The following PAN3 variants were observed in gnomAD, a reference collection of about 807,000 sequenced individuals.
PAN3 encodes the protein poly(A) specific ribonuclease subunit PAN3.
In PAN3, 19 loss-of-function variants were observed where a neutral mutation model predicts 96.2. That is an observed-to-expected ratio of 0.20 (90% CI 0.14 to 0.29). The LOEUF is 0.29. Ranked by LOEUF, PAN3 falls within the 10% of genes least tolerant of loss-of-function variation. The pLI is 1.00. For missense variants in PAN3, 882 were observed against 1,108.1 expected, an observed-to-expected ratio of 0.80 and a Z score of 2.90; for synonymous variants, 433 against 406.6, an observed-to-expected ratio of 1.06 and a Z score of -0.78.
At chr13:28,290,650 C>T (rs1245993634) in intron 18 of PAN3, among the ~76,000 whole-genome samples, 1 of 152,044 alleles carries the variant, frequency 6.6e-6, no homozygotes, top group Non-Finnish European at 1.5e-5. Flanking sequence ...CCATTGTACT[C>T]CAGCCTGGGC....
intron 1 of PAN3, among the ~76,000 whole-genome samples, chr13:28,144,866 C>A (rs1222003116): frequency 6.6e-6 from 1 of 151,696 alleles, no homozygotes; most frequent in Non-Finnish European, 1.5e-5. Flanking sequence ...ATTACAGGAG[C>A]CTGCCACCGC....
At chr13:28,233,562 C>A (rs889240852) in intron 6 of PAN3, among the ~76,000 whole-genome samples, 3 of 152,066 alleles carry the variant, frequency 2.0e-5, no homozygotes, top group Non-Finnish European at 4.4e-5. Flanking sequence ...CCACCATGAC[C>A]GGCCTGGAAA....
intron 4 of PAN3, among the ~76,000 whole-genome samples, chr13:28,189,576 G>A (rs979956992): frequency 6.6e-6 from 1 of 151,970 alleles, no homozygotes; most frequent in African/African-American, 2.4e-5. Flanking sequence ...GCTCCAAGGG[G>A]GCAAGGAGCT....
At position 28,215,245 on chromosome 13, in the gene PAN3, A is replaced by C. The variant is rs186070807; in HGVS notation, c.853-4986A>C. 1,373 of 712,528 alleles carry C rather than the reference A, an allele frequency of 1.9e-3. 9 individuals are homozygous for C. The highest frequency in any genetic ancestry group is 1.9e-3 in the Non-Finnish European group (724 of 381,056). 44.1% of individuals were successfully genotyped at this position (712,528 alleles called of 1,614,324 possible). On this transcript the variant is annotated intron_variant, in intron 5 of 18. Transcript: ENST00000380958. ...CTCCCACTAGCTTGTCCAACTGACAAGTCCTTGCACCAGCCTCTCCAGGGT... is the reference window on the plus strand; with the variant it reads ...CTCCCACTAGCTTGTCCAACTGACACGTCCTTGCACCAGCCTCTCCAGGGT...
chr13:28,142,229 T>G (rs1402968074), intron 1 of PAN3, among the ~76,000 whole-genome samples: 1 of 152,248 alleles, frequency 6.6e-6, no homozygotes, highest in Non-Finnish European at 1.5e-5. Context: ...GTTGTGTTGG[T>G]AATTGTATGG....
intron 4 of PAN3, among the ~76,000 whole-genome samples, chr13:28,179,787 T>G (rs951335026): frequency 6.6e-6 from 1 of 152,096 alleles, no homozygotes; most frequent in East Asian, 1.9e-4. Flanking sequence ...AAATTAATGT[T>G]TAAAAGTATT....
In PAN3 at chr13:28,138,666, T is replaced by G. The variant is rs1869122902; in HGVS notation, c.9T>G (p.Ser3Arg). MNSGGGLPPPSAA... is the reference protein window; with the variant it reads MNRGGGLPPPSAA... ...GAGGCTGCGGCGTTGCCATGAACAG[T>G]GGCGGCGGCCTCCCGCCCCCCTCGG... Residue 3 changes from serine to arginine, a missense_variant, in exon 1 of 19, where the codon AGT becomes AGG. This residue lies in a region of PAN3 where 442 missense variants were observed against 422.8 expected (regional missense o/e 1.05). Transcript: ENST00000380958. 1.4e-6 allele frequency: 1 copy of G among 707,862 alleles called. No homozygotes were observed. Among genetic ancestry groups the G allele is most frequent in the Non-Finnish European group, 2.1e-6 (1 of 485,408 alleles). 43.8% of individuals were successfully genotyped at this position (707,862 alleles called of 1,614,324 possible).
intron 6 of PAN3, among the ~76,000 whole-genome samples, chr13:28,245,391 CT>C (rs541516738): frequency 0.017 from 2,461 of 144,106 alleles, 62 homozygotes; most frequent in African/African-American, 0.053. Context: ...AAGTGGGTTC[CT>C]TTTTTTTTTT....
Position 28,267,223 on chromosome 13 carries a change from G to A in PAN3, c.1690+12G>A, listed in dbSNP as rs1163946255. 8 of 1,611,976 alleles carry A rather than the reference G, an allele frequency of 5.0e-6. No individual in the cohort carries two copies. In the East Asian group the frequency reaches 1.1e-4, roughly 22 times the overall value. On this transcript the variant is annotated intron_variant, in intron 11 of 18. Coordinates refer to ENST00000380958, the MANE Select transcript of PAN3 (RefSeq NM_175854.8). ...ATTTGCTGAGCCCTGTGAGTAACTT[G>A]TAATTTGTCTTTCTGCTGGTGAGCT...
chr13:28,272,633 G>C (rs562845644), intron 14 of PAN3, among the ~76,000 whole-genome samples: 1 of 150,660 alleles, frequency 6.6e-6, no homozygotes, highest in Non-Finnish European at 1.5e-5. Context: ...GCAATGGCGC[G>C]ATCTCAACTC....
rs998296980 is a variant in PAN3, at chr13:28,170,621, T to A, written c.431-3651T>A. Among the ~76,000 whole-genome samples the A allele has an allele frequency of 2.6e-5, 4 of 152,336 alleles. 1 individual carries two copies. The Middle Eastern group carries it at 0.01, about 389-fold the overall frequency. On this transcript the variant is annotated intron_variant, in intron 1 of 18. Coordinates refer to ENST00000380958, the MANE Select transcript of PAN3 (RefSeq NM_175854.8). ...ACAATTTTACTCTAGAATTGTACTCTATTTTGGAGTAACCATTCTATTTTA... is the reference window on the plus strand; with the variant it reads ...ACAATTTTACTCTAGAATTGTACTCAATTTTGGAGTAACCATTCTATTTTA...
intron 1 of PAN3, among the ~76,000 whole-genome samples, chr13:28,171,891 T>C (rs1874355131): frequency 6.6e-6 from 1 of 152,104 alleles, no homozygotes; most frequent in South Asian, 2.1e-4. Context: ...ACGGCTCCCA[T>C]CTAGGTACCT....
At chr13:28,162,813 G>A (rs1873049245) in intron 1 of PAN3, among the ~76,000 whole-genome samples, 1 of 151,140 alleles carries the variant, frequency 6.6e-6, no homozygotes, top group Non-Finnish European at 1.5e-5. Flanking sequence ...CTGCACTCCA[G>A]CCTGGGTGAC....
At chr13:28,215,600 C>T (rs1566194803) in intron 5 of PAN3, 1 of 882,090 alleles carries the variant, frequency 1.1e-6, no homozygotes, top group African/African-American at 1.7e-5. Flanking sequence ...TGAATTGCCA[C>T]ACAGCCCATG....
intron 1 of PAN3, among the ~76,000 whole-genome samples, chr13:28,148,095 A>G (rs1191757889): frequency 2.0e-5 from 3 of 152,052 alleles, no homozygotes; most frequent in Non-Finnish European, 4.4e-5. Flanking sequence ...AGCTGAGACT[A>G]CAGGCATAAG....
At chr13:28,280,349 G>T in intron 15 of PAN3, 63 bp from the exon 16 acceptor site, 2 of 1,530,646 alleles carry the variant, frequency 1.3e-6, no homozygotes, top group South Asian at 1.3e-5. Flanking sequence ...GCTATGTTTG[G>T]GTTATCTTGT....
chr13:28,238,073 CCCCG>C (rs1182576457), intron 6 of PAN3, among the ~76,000 whole-genome samples: 1 of 152,148 alleles, frequency 6.6e-6, no homozygotes, highest in Non-Finnish European at 1.5e-5. Flanking sequence ...ATTTACAAAA[CCCCG>C]AGGCACTGCT....
intron 17 of PAN3, among the ~76,000 whole-genome samples, chr13:28,284,381 ATTT>A (rs71086842): frequency 3.8e-5 from 5 of 132,612 alleles, no homozygotes; most frequent in Non-Finnish European, 4.9e-5. Context: ...TCTTTTTGTG[ATTT>A]TTTTTTTTTT....
intron 10 of PAN3, 68 bp downstream of exon 10, chr13:28,266,944 A>T: frequency 1.5e-6 from 2 of 1,342,140 alleles, no homozygotes; most frequent in Non-Finnish European, 2.0e-6. Context: ...AACCTTCTTG[A>T]ATATATTATT....
Sources: allele counts gnomAD v4.1 joint callset (sites outside exome capture counted in the v4.1 genomes callset), GRCh38; gene constraint gnomAD v4.1.1; regional missense constraint gnomAD v4.1.1; transcripts MANE v1.5; gene names NCBI Gene and HGNC (gene_info 2026-07-23, HGNC 2026-07-21).